PIK3CD: variants seen among roughly 807,000 people sequenced by gnomAD.
PIK3CD encodes phosphatidylinositol-4,5-bisphosphate 3-kinase catalytic subunit delta.
A neutral mutation model predicts 122.9 loss-of-function variants in PIK3CD; 20 were observed. The observed-to-expected ratio is 0.16, with a 90% confidence interval of 0.11 to 0.24. The LOEUF (loss-of-function observed/expected upper bound fraction) is 0.24. PIK3CD is among the 10% of genes least tolerant of loss of function. PIK3CD has a pLI of 1.00. For synonymous variants in PIK3CD, 596 were observed against 593.4 expected, an observed-to-expected ratio of 1.00 and a Z score of -0.06; for missense variants, 787 against 1,406.3, an observed-to-expected ratio of 0.56 and a Z score of 7.04.
intron 1 of PIK3CD, among the ~76,000 whole-genome samples, chr1:9,666,522 A>G (rs1645165476): frequency 6.6e-6 from 1 of 151,774 alleles, no homozygotes; most frequent in African/African-American, 2.4e-5. Context: ...ATGAGCCACC[A>G]TGCCTGGCCG....
chr1:9,675,160 C>T (rs1016378488), intron 1 of PIK3CD, among the ~76,000 whole-genome samples: 4 of 151,394 alleles, frequency 2.6e-5, no homozygotes, highest in Admixed American at 6.6e-5. Flanking sequence ...CCGAGGCGGG[C>T]GGATCACGAG....
intron 23 of PIK3CD, 126 bp downstream of exon 23, chr1:9,725,062 C>A: frequency 8.3e-7 from 1 of 1,210,862 alleles, no homozygotes; most frequent in Non-Finnish European, 1.2e-6. Context: ...TGCCTCATGC[C>A]GTCCCAGGAC....
At chr1:9,656,135 C>A (rs1277685027) in intron 1 of PIK3CD, among the ~76,000 whole-genome samples, 1 of 151,784 alleles carries the variant, frequency 6.6e-6, no homozygotes, top group Admixed American at 6.6e-5. Context: ...GAAGAGTGGG[C>A]GGTGCCAGGA....
At chr1:9,703,762 T>C (rs1318090086) in intron 2 of PIK3CD, among the ~76,000 whole-genome samples, 2 of 152,220 alleles carry the variant, frequency 1.3e-5, no homozygotes, top group Non-Finnish European at 2.9e-5. Context: ...CCCCATTCTG[T>C]TGATGTGCAT....
Position 9,718,171 on chromosome 1 carries a change from G to T in PIK3CD, c.1021-523G>T. Reference sequence around the variant, plus strand: ...TGAGTCCTCAGAGGTTGGCCCTCCTGCCTGGAGTGTGTTTCACTGGGGAAA... The same window carrying T: ...TGAGTCCTCAGAGGTTGGCCCTCCTTCCTGGAGTGTGTTTCACTGGGGAAA... On this transcript the variant is annotated intron_variant, in intron 8 of 23. Transcript: ENST00000377346. The surrounding 1 kb of genome is among the most constrained non-coding windows in gnomAD (Gnocchi z 7.2). The T allele has an allele frequency of 2.2e-6, 1 of 464,268 alleles. No homozygotes were observed. The highest frequency in any genetic ancestry group is 1.5e-5 in the South Asian group (1 of 64,640). The allele number at this position is 464,268 out of a possible 1,614,324, so 28.8% of individuals were successfully genotyped here.
chr1:9,690,056 C>T (rs1057108954), intron 1 of PIK3CD, among the ~76,000 whole-genome samples: 8 of 152,292 alleles, frequency 5.3e-5, no homozygotes, highest in African/African-American at 1.9e-4. Context: ...CGCACGAGGA[C>T]GCGCCTGTTC....
In PIK3CD at chr1:9,721,873, G is replaced by A. The variant is rs754696533; in HGVS notation, c.2055+13G>A. 1.2e-6 allele frequency: 2 copies of A among 1,612,768 alleles called. No homozygotes were observed. Among genetic ancestry groups the A allele is most frequent in the Non-Finnish European group, 8.5e-7 (1 of 1,179,766 alleles). ...GCTGATGAAGCAGGTGAGGCCCAAG[G>A]CCCTGGGGGGCGGGCAGGGGGCGGC... On this transcript the variant is annotated intron_variant, in intron 16 of 23. Coordinates refer to ENST00000377346, the MANE Select transcript of PIK3CD (RefSeq NM_005026.5).
chr1:9,692,509 G>A (rs752512160), intron 2 of PIK3CD, among the ~76,000 whole-genome samples: 4 of 152,110 alleles, frequency 2.6e-5, no homozygotes, highest in South Asian at 2.1e-4. Flanking sequence ...GGCGAATCAC[G>A]AGGTCAGGAG....
At position 9,722,205 on chromosome 1, in the gene PIK3CD, G is replaced by C; in HGVS notation, c.2235-39G>C. 6.2e-7 allele frequency: 1 copy of C among 1,611,322 alleles called. No homozygotes were observed. Among genetic ancestry groups the C allele is most frequent in the Non-Finnish European group, 8.5e-7 (1 of 1,179,058 alleles). ...TCCTCCCACCCCTGGGAGGCCGGTA[G>C]AGGAGCCCCTGCTGACTGCCCGCTC... On this transcript the variant is annotated intron_variant, in intron 17 of 23. Transcript: ENST00000377346. The surrounding 1 kb of genome is among the most constrained non-coding windows in gnomAD (Gnocchi z 7.6).
At chr1:9,634,242 C>T in the PIK3CD span, among the ~76,000 whole-genome samples, 4 of 151,066 alleles carry the variant, frequency 2.6e-5, 1 homozygote, top group African/African-American at 9.8e-5. Context: ...CAACCTCCGC[C>T]TTCCAGGTTC....
rs555049149 is a variant in PIK3CD at position 9,726,506 on chromosome 1, C to G, written c.2998-403C>G. 4.6e-5 allele frequency among the ~76,000 whole-genome samples: 7 copies of G among 152,172 alleles called. No homozygotes were observed. The South Asian group carries it at 1.5e-3, about 32-fold the overall frequency. ...CCTGGGCGACAGAGTGAGACTGTCT[C>G]AAAAAAATGTATATATACAGATACA... On this transcript the variant is annotated intron_variant, in intron 23 of 23. Coordinates refer to ENST00000377346, the MANE Select transcript of PIK3CD (RefSeq NM_005026.5).
chr1:9,666,395 G>A (rs932520048), intron 1 of PIK3CD, among the ~76,000 whole-genome samples: 1 of 150,044 alleles, frequency 6.7e-6, no homozygotes, highest in East Asian at 2.0e-4. Context: ...GCACCCACCA[G>A]GCTAATTTTT....
At position 9,719,021 on chromosome 1, in the gene PIK3CD, T is replaced by G; in HGVS notation, c.1242+106T>G. On this transcript the variant is annotated intron_variant, in intron 9 of 23. Transcript: ENST00000377346. This position sits in a 1 kb window ranked among gnomAD's most constrained non-coding sequence, Gnocchi z 5.5. ...TCCCGGCAAGCACGCAGCCTGGGGA[T>G]GGGGGTCCTGGGATTGCTTGTGGAC... 9.4e-7 allele frequency: 1 copy of G among 1,065,656 alleles called. No homozygotes were observed. Among genetic ancestry groups the G allele is most frequent in the Non-Finnish European group, 1.4e-6 (1 of 717,776 alleles). The allele number at this position is 1,065,656 out of a possible 1,614,324, so 66.0% of individuals were successfully genotyped here. A position where few individuals can be genotyped will look rare whatever the true frequency, so the allele number is the denominator to read the frequency against.
chr1:9,720,825 G>T lies in PIK3CD; in HGVS notation c.1605G>T (p.Arg535=). 1 of 1,613,024 alleles carries T rather than the reference G, an allele frequency of 6.2e-7. No individual in the cohort carries two copies. Among genetic ancestry groups the T allele is most frequent in the Non-Finnish European group, 8.5e-7 (1 of 1,179,738 alleles). Residue 535 remains arginine, a synonymous_variant, in exon 13 of 24, where the codon CGG becomes CGT. Coordinates refer to ENST00000377346, the MANE Select transcript of PIK3CD (RefSeq NM_005026.5). The surrounding 1 kb of genome is among the most constrained non-coding windows in gnomAD (Gnocchi z 9.0). ...EHEKDLVWKL[R]HEVQEHFPEA... is the part of the protein sequence containing the mutation. ...AGAAGGACCTGGTGTGGAAGCTGCG[G>T]CATGAAGTCCAGGAGCACTTCCCGG...
Position 9,717,030 on chromosome 1 carries a change from C to T in PIK3CD, c.852C>T (p.Ala284=), listed in dbSNP as rs368549532. ...LTMVHSSSIL[A]MRDEQSNPAP... ...TGGTCCATTCCTCCTCCATCCTCGC[C>T]ATGCGGGATGAGCAGAGCAACCCTG... is the stretch of plus-strand genomic sequence containing the variant. Residue 284 remains alanine (A), a synonymous_variant, in exon 7 of 24, where the codon GCC becomes GCT. Transcript: ENST00000377346. The surrounding 1 kb of genome is among the most constrained non-coding windows in gnomAD (Gnocchi z 5.4). The T allele has an allele frequency of 8.1e-6, 13 of 1,613,832 alleles. No individual in the cohort carries two copies. Among genetic ancestry groups the T allele is most frequent in the Non-Finnish European group, 1.0e-5 (12 of 1,179,978 alleles).
chr1:9,725,440 C>G (rs1340155766), intron 23 of PIK3CD, among the ~76,000 whole-genome samples: 5 of 152,018 alleles, frequency 3.3e-5, no homozygotes, highest in South Asian at 4.2e-4. Flanking sequence ...GTAATCCCAG[C>G]TACTTTCGGG....
the PIK3CD span, among the ~76,000 whole-genome samples, chr1:9,643,447 G>A: frequency 1.8e-5 from 2 of 113,674 alleles, no homozygotes; most frequent in East Asian, 6.0e-4. Context: ...AGAGGGGAAG[G>A]AAGGAAGGGA....
chr1:9,722,683 T>C lies in PIK3CD; in HGVS notation c.2426+77T>C. The stretch of plus-strand genomic sequence containing the variant: ...GTCTGTGCCCCTGGAGGGGTCCTTG[T>C]TGAAGGTGGCATGACCATCTCAGCC... On this transcript the variant is annotated intron_variant, in intron 19 of 23. Transcript: ENST00000377346. This position sits in a 1 kb window ranked among gnomAD's most constrained non-coding sequence, Gnocchi z 7.6. The C allele has an allele frequency of 1.6e-6, 2 of 1,240,912 alleles. No individual in the cohort carries two copies. The highest frequency in any genetic ancestry group is 1.2e-6 in the Non-Finnish European group (1 of 844,508). The allele number at this position is 1,240,912 out of a possible 1,614,324, so 76.9% of individuals were successfully genotyped here. A position where few individuals can be genotyped will look rare whatever the true frequency, so the allele number is the denominator to read the frequency against.
chr1:9,716,479 C>T lies in PIK3CD; in HGVS notation c.640C>T (p.Leu214=), dbSNP rs1285730929. ...CCAGGTGTCCACCAAGGACGTGCCG[C>T]TGGCGCTGATGGCCTGTGCCCTGCG... is the stretch of plus-strand genomic sequence containing the variant. ...TFQVSTKDVP[L]ALMACALRKK... is the part of the protein sequence containing the mutation. Residue 214 remains leucine (L), a synonymous_variant, in exon 6 of 24, where the codon CTG becomes TTG. Transcript: ENST00000377346. 6.8e-6 allele frequency: 11 copies of T among 1,611,026 alleles called. No individual in the cohort carries two copies. In the Admixed American group the frequency reaches 1.8e-4, roughly 27 times the overall value.
Sources: allele counts gnomAD v4.1 joint callset (sites outside exome capture counted in the v4.1 genomes callset), GRCh38; gene constraint gnomAD v4.1.1; non-coding constraint Gnocchi (gnomAD v3.1); transcripts MANE v1.5; gene names NCBI Gene and HGNC (gene_info 2026-07-23, HGNC 2026-07-21).